The following LAMA2 variants were observed in gnomAD, a reference collection of about 807,000 sequenced individuals.
LAMA2 encodes the protein laminin subunit alpha-2.
LAMA2 carries 269 observed loss-of-function variants against 364.8 expected under a neutral mutation model. The ratio of observed to expected loss-of-function variants is 0.74; its 90% CI spans 0.67 to 0.82. LAMA2 has a LOEUF of 0.82. LAMA2 is among the 40% of genes least tolerant of loss of function. LAMA2 has a pLI of 0.00. For synonymous variants in LAMA2, 1,379 were observed against 1,370.6 expected, an observed-to-expected ratio of 1.01 and a Z score of -0.14; for missense variants, 3,807 against 3,873.2, an observed-to-expected ratio of 0.98 and a Z score of 0.45.
At chr6:129,094,153 C>T (rs1200525490) in intron 3 of LAMA2, among the ~76,000 whole-genome samples, 1 of 152,186 alleles carries the variant, frequency 6.6e-6, no homozygotes, top group Non-Finnish European at 1.5e-5. Context: ...TACAGTTACT[C>T]TCTGAAGCCT....
intron 29 of LAMA2, among the ~76,000 whole-genome samples, chr6:129,333,804 G>A (rs971072605): frequency 6.6e-6 from 1 of 152,064 alleles, no homozygotes; most frequent in Admixed American, 6.5e-5. Context: ...TAATTTAGAA[G>A]CATTTATAAA....
chr6:129,376,789 C>G (rs1778399295), intron 34 of LAMA2, among the ~76,000 whole-genome samples: 1 of 152,166 alleles, frequency 6.6e-6, no homozygotes, highest in Non-Finnish European at 1.5e-5. Context: ...TCCTCCTGTG[C>G]TTATCTTATA....
chr6:129,432,956 T>C (rs1781669801), intron 41 of LAMA2, among the ~76,000 whole-genome samples: 1 of 152,186 alleles, frequency 6.6e-6, no homozygotes, highest in South Asian at 2.1e-4. Flanking sequence ...GAACAAGATC[T>C]AATTTCTTAC....
At chr6:129,257,099 A>C (rs1031301631) in intron 14 of LAMA2, among the ~76,000 whole-genome samples, 2 of 152,006 alleles carry the variant, frequency 1.3e-5, no homozygotes, top group African/African-American at 4.8e-5. Flanking sequence ...GACTTAGTTG[A>C]CAATTCTTTG....
rs1333371521 is a variant in LAMA2 at position 129,403,818 on chromosome 6, C to T, written c.5727-3C>T. On this transcript the variant is annotated splice_polypyrimidine_tract_variant and splice_region_variant and intron_variant, in intron 39 of 64. Coordinates refer to ENST00000421865, the MANE Select transcript of LAMA2 (RefSeq NM_000426.4). ...ACATTCCTTTTTTGAATCATCCCAC[C>T]AGAATCCTTGATGAGGCTAAAAACA... 4.3e-6 allele frequency: 7 copies of T among 1,612,934 alleles called. No individual in the cohort carries two copies. The highest frequency in any genetic ancestry group is 5.1e-6 in the Non-Finnish European group (6 of 1,179,250).
chr6:129,293,133 T>C, intron 20 of LAMA2: 9 of 960,044 alleles, frequency 9.4e-6, no homozygotes, highest in Non-Finnish European at 8.7e-6. Context: ...TGGCTGAAGT[T>C]CCCTGGTGGC....
In LAMA2 at chr6:129,047,048, G is replaced by A. The variant is rs770719220; in HGVS notation, c.113-2870G>A. 2.6e-5 allele frequency among the ~76,000 whole-genome samples: 4 copies of A among 152,060 alleles called. No homozygotes were observed. The South Asian group carries it at 6.2e-4, about 24-fold the overall frequency. On this transcript the variant is annotated intron_variant, in intron 1 of 64. Coordinates refer to ENST00000421865, the MANE Select transcript of LAMA2 (RefSeq NM_000426.4). ...ATATACAGACAAACTTTATTTAATC[G>A]CATATCATTTATTAACCTAGAAAAT...
intron 58 of LAMA2, among the ~76,000 whole-genome samples, chr6:129,493,814 T>C (rs1384475655): frequency 6.6e-6 from 1 of 152,180 alleles, no homozygotes; most frequent in Non-Finnish European, 1.5e-5. Flanking sequence ...AAGAATTTTA[T>C]TCTAGCGAGT....
rs552199917 is a variant in LAMA2 at position 129,268,596 on chromosome 6, T to C, written c.2322+1377T>C. Among the ~76,000 whole-genome samples, 5 of 152,202 alleles carry C rather than the reference T, an allele frequency of 3.3e-5. No homozygotes were observed. The East Asian group carries it at 7.7e-4, about 24-fold the overall frequency. ...TTTGTTGATGTGATATTTCTAAAACTAGAAGCCTTTTTTAACTAATAAAAC... is the reference window on the plus strand; with the variant it reads ...TTTGTTGATGTGATATTTCTAAAACCAGAAGCCTTTTTTAACTAATAAAAC... On this transcript the variant is annotated intron_variant, in intron 16 of 64. Coordinates refer to ENST00000421865, the MANE Select transcript of LAMA2 (RefSeq NM_000426.4).
intron 31 of LAMA2, among the ~76,000 whole-genome samples, chr6:129,352,197 T>C (rs1776888727): frequency 1.3e-5 from 2 of 152,166 alleles, no homozygotes; most frequent in Non-Finnish European, 2.9e-5. Flanking sequence ...AAACAACAGG[T>C]AATAGGAAAT....
At position 129,300,851 on chromosome 6, in the gene LAMA2, C is replaced by T. The variant is rs765377074; in HGVS notation, c.3153C>T (p.His1051=). ...CSKCAPNTWG[H]SITTGCKACN... The stretch of plus-strand genomic sequence containing the variant: ...AATGTGCACCCAATACCTGGGGCCA[C>T]AGCATTACCACTGGTTGTAAGGTGA... The change falls in exon 22 of 65, where the codon CAC becomes CAT. Residue 1051 remains histidine, a synonymous_variant. Transcript: ENST00000421865. 107 of 1,613,686 alleles carry T rather than the reference C, an allele frequency of 6.6e-5. No individual in the cohort carries two copies. Among genetic ancestry groups the T allele is most frequent in the Middle Eastern group, 3.3e-4 (2 of 6,084 alleles).
chr6:129,410,397 C>G (rs1463284372), intron 40 of LAMA2, among the ~76,000 whole-genome samples: 4 of 151,880 alleles, frequency 2.6e-5, no homozygotes, highest in East Asian at 3.9e-4. Context: ...TGTTCCTCTT[C>G]TTCACCTTGC....
intron 34 of LAMA2, among the ~76,000 whole-genome samples, chr6:129,379,073 G>A (rs1778533357): frequency 6.6e-6 from 1 of 152,174 alleles, no homozygotes; most frequent in Admixed American, 6.5e-5. Context: ...GGATGGAGCT[G>A]GAGGACATTA....
chr6:129,358,322 G>A (rs538346390), intron 32 of LAMA2, among the ~76,000 whole-genome samples: 4 of 152,096 alleles, frequency 2.6e-5, no homozygotes, highest in African/African-American at 9.6e-5. Flanking sequence ...TGTTCTGCTA[G>A]CTGATTAAGG....
intron 17 of LAMA2, among the ~76,000 whole-genome samples, chr6:129,271,818 C>T (rs1465637627): frequency 6.6e-6 from 1 of 152,074 alleles, no homozygotes; most frequent in Non-Finnish European, 1.5e-5. Flanking sequence ...AATCTGTCAG[C>T]TATAGTCTTT....
At chr6:128,898,027 C>T in intron 1 of LAMA2, among the ~76,000 whole-genome samples, 1 of 152,082 alleles carries the variant, frequency 6.6e-6, no homozygotes, top group East Asian at 1.9e-4. Context: ...ATCATCCTCA[C>T]CTTTAAGAGA....
At chr6:129,155,803 G>T (rs1779078234) in intron 8 of LAMA2, among the ~76,000 whole-genome samples, 1 of 151,788 alleles carries the variant, frequency 6.6e-6, no homozygotes, top group Non-Finnish European at 1.5e-5. Context: ...GTAATATAAT[G>T]TACCAACTTT....
At chr6:129,260,456 G>A (rs1333304251) in intron 14 of LAMA2, among the ~76,000 whole-genome samples, 1 of 152,006 alleles carries the variant, frequency 6.6e-6, no homozygotes, top group Non-Finnish European at 1.5e-5. Context: ...ACATAGCCAA[G>A]AGCCAAGAGA....
intron 20 of LAMA2, among the ~76,000 whole-genome samples, chr6:129,296,326 G>A (rs1773177692): frequency 6.6e-6 from 1 of 151,512 alleles, no homozygotes. Context: ...ATATTATATG[G>A]TTAGTTTTTT....
Sources: allele counts gnomAD v4.1 joint callset (sites outside exome capture counted in the v4.1 genomes callset), GRCh38; gene constraint gnomAD v4.1.1; transcripts MANE v1.5; gene names NCBI Gene and HGNC (gene_info 2026-07-23, HGNC 2026-07-21).